Variants in WDPCP observed in about 807,000 individuals in gnomAD.
WDPCP encodes WD repeat containing planar cell polarity effector.
A neutral mutation model predicts 93.1 loss-of-function variants in WDPCP; 71 were observed. That is an observed-to-expected ratio of 0.76 (90% CI 0.63 to 0.93). The LOEUF (loss-of-function observed/expected upper bound fraction) is 0.93. WDPCP is among the 40% of genes least tolerant of loss of function. WDPCP has a pLI of 0.00. For missense variants in WDPCP, 844 were observed against 887.4 expected, an observed-to-expected ratio of 0.95 and a Z score of 0.62; for synonymous variants, 315 against 315.0, an observed-to-expected ratio of 1.00 and a Z score of 0.00.
intron 13 of WDPCP, among the ~76,000 whole-genome samples, chr2:63,267,674 G>T (rs1193454106): frequency 6.6e-6 from 1 of 152,116 alleles, no homozygotes; most frequent in Non-Finnish European, 1.5e-5. Flanking sequence ...AAGTATCTGA[G>T]CAGACATTTC....
chr2:63,328,273 C>A (rs1041462446), intron 12 of WDPCP, among the ~76,000 whole-genome samples: 5 of 151,848 alleles, frequency 3.3e-5, no homozygotes, highest in African/African-American at 1.2e-4. Flanking sequence ...AAAAGCAGGC[C>A]ACCCGAGCCA....
chr2:63,239,263 G>C (rs1679671520), intron 14 of WDPCP, among the ~76,000 whole-genome samples: 1 of 152,140 alleles, frequency 6.6e-6, no homozygotes, highest in South Asian at 2.1e-4. Context: ...ACCCAGGCTG[G>C]AGTGCAGTGG....
intron 3 of WDPCP, chr2:63,597,557 G>T (rs754634638): frequency 2.1e-6 from 3 of 1,420,116 alleles, no homozygotes; most frequent in South Asian, 1.7e-5. Context: ...AGATAAATAC[G>T]CCAAGAAGTC....
chr2:63,174,722 G>T lies in WDPCP; in HGVS notation c.2026C>A (p.Pro676Thr), dbSNP rs1340896410. 1.9e-6 allele frequency: 3 copies of T among 1,613,988 alleles called. No individual in the cohort carries two copies. Among genetic ancestry groups the T allele is most frequent in the South Asian group, 1.1e-5 (1 of 91,080 alleles). ...SFPDNLPPSC[P>T]THRHILQQRI... ...TGTTGTAAAATATGTCTGTGGGTTGGGCAAGAGGGAGGGAGGTTATCTGGA... is the reference window on the plus strand; with the variant it reads ...TGTTGTAAAATATGTCTGTGGGTTGTGCAAGAGGGAGGGAGGTTATCTGGA... Residue 676 changes from proline to threonine, a missense_variant, in exon 15 of 18, where the codon CCA (proline) becomes ACA (threonine). By Grantham distance (38) the Pro-to-Thr change is conservative. Coordinates refer to ENST00000272321, the MANE Select transcript of WDPCP (RefSeq NM_015910.7).
chr2:63,274,324 C>T (rs1449609980), intron 13 of WDPCP, among the ~76,000 whole-genome samples: 2 of 151,656 alleles, frequency 1.3e-5, no homozygotes, highest in Admixed American at 6.6e-5. Context: ...ATACTAAAAC[C>T]AATAGGATAC....
At chr2:63,595,489 C>CTGCA in intron 3 of WDPCP, 1 of 1,612,286 alleles carries the variant, frequency 6.2e-7, no homozygotes, top group Non-Finnish European at 8.5e-7. Flanking sequence ...CCTAATGGAA[C>CTGCA]TGCAAGACTG....
intron 2 of WDPCP, among the ~76,000 whole-genome samples, chr2:63,652,195 A>G (rs1435601116): frequency 1.3e-5 from 2 of 152,222 alleles, no homozygotes; most frequent in Non-Finnish European, 2.9e-5. Flanking sequence ...ACAGAACATT[A>G]GCCCAGTATA....
intron 1 of WDPCP, among the ~76,000 whole-genome samples, chr2:63,524,383 T>C (rs1253184280): frequency 1.3e-5 from 2 of 152,160 alleles, no homozygotes; most frequent in African/African-American, 2.4e-5. Context: ...CCAAACAGCA[T>C]GGTACTAGTA....
intron 17 of WDPCP, among the ~76,000 whole-genome samples, chr2:63,149,749 T>C (rs907755180): frequency 6.6e-6 from 1 of 152,216 alleles, no homozygotes; most frequent in Non-Finnish European, 1.5e-5. Context: ...TGCACTATGT[T>C]TCCACTTATA....
At chr2:63,272,537 C>G (rs1169221273) in intron 13 of WDPCP, among the ~76,000 whole-genome samples, 1 of 151,964 alleles carries the variant, frequency 6.6e-6, no homozygotes, top group Non-Finnish European at 1.5e-5. Context: ...AAAGAGGATT[C>G]AAAATAAAAA....
chr2:63,459,321 A>G (rs1045861020), intron 6 of WDPCP, among the ~76,000 whole-genome samples: 1 of 152,170 alleles, frequency 6.6e-6, no homozygotes, highest in Non-Finnish European at 1.5e-5. Flanking sequence ...TACTCATCCA[A>G]TAGGGGACTA....
At chr2:63,607,345 C>T (rs1709553185) in intron 3 of WDPCP, 1 of 159,342 alleles carries the variant, frequency 6.3e-6, no homozygotes, top group African/African-American at 2.4e-5. Flanking sequence ...TGAGACCAGC[C>T]TGGGCAAATA....
At chr2:63,769,635 G>C (rs1670196766) in intron 2 of WDPCP, among the ~76,000 whole-genome samples, 1 of 151,652 alleles carries the variant, frequency 6.6e-6, no homozygotes, top group African/African-American at 2.4e-5. Flanking sequence ...AATCTATACG[G>C]AATAATTCAA....
At chr2:63,658,995 A>G (rs996222901) in intron 2 of WDPCP, among the ~76,000 whole-genome samples, 1 of 152,256 alleles carries the variant, frequency 6.6e-6, no homozygotes, top group African/African-American at 2.4e-5. Flanking sequence ...TATAGTTGTC[A>G]TCATATTGCT....
intron 12 of WDPCP, among the ~76,000 whole-genome samples, chr2:63,340,971 C>T (rs1688794300): frequency 6.6e-6 from 1 of 152,156 alleles, no homozygotes; most frequent in South Asian, 2.1e-4. Flanking sequence ...TTTTTAATTT[C>T]TGTCAAATTT....
chr2:63,326,507 C>A (rs1255242938), intron 12 of WDPCP, among the ~76,000 whole-genome samples: 1 of 151,630 alleles, frequency 6.6e-6, no homozygotes, highest in African/African-American at 2.4e-5. Flanking sequence ...GAAAGACCAG[C>A]AGAAAGGAAA....
chr2:63,517,547 T>C (rs1702633076), intron 1 of WDPCP, among the ~76,000 whole-genome samples: 1 of 152,226 alleles, frequency 6.6e-6, no homozygotes, highest in Non-Finnish European at 1.5e-5. Context: ...TAAAACATTA[T>C]ATAAGACTCC....
chr2:63,396,618 A>C (rs1693746561), intron 10 of WDPCP, among the ~76,000 whole-genome samples: 1 of 152,074 alleles, frequency 6.6e-6, no homozygotes. Flanking sequence ...GATAAAGACC[A>C]AGTGGCAGGA....
At chr2:63,794,865 C>T (rs1017531618) in intron 2 of WDPCP, among the ~76,000 whole-genome samples, 1 of 152,206 alleles carries the variant, frequency 6.6e-6, no homozygotes, top group African/African-American at 2.4e-5. Flanking sequence ...TCTATCTAGT[C>T]ATTTATAGTA....
Sources: allele counts gnomAD v4.1 joint callset (sites outside exome capture counted in the v4.1 genomes callset), GRCh38; gene constraint gnomAD v4.1.1; transcripts MANE v1.5; gene names NCBI Gene and HGNC (gene_info 2026-07-23, HGNC 2026-07-21).